Variants in RMDN2 observed in about 807,000 individuals in gnomAD.
The protein encoded by RMDN2 is regulator of microtubule dynamics protein 2.
Under a neutral mutation model 52.8 loss-of-function variants are expected in RMDN2, and 61 were observed. The ratio of observed to expected loss-of-function variants is 1.16; its 90% CI spans 0.94 to 1.43. The LOEUF (loss-of-function observed/expected upper bound fraction) is 1.43, where lower values mean the gene tolerates loss of function less well. Among genes scored for constraint, RMDN2 ranks in the 40% most tolerant of loss-of-function variants. The pLI is 0.00. For missense variants in RMDN2, 592 were observed against 475.3 expected, an observed-to-expected ratio of 1.25 and a Z score of -2.28; for synonymous variants, 180 against 153.1, an observed-to-expected ratio of 1.18 and a Z score of -1.30.
chr2:37,966,651 G>A (rs1671094432), intron 2 of RMDN2, among the ~76,000 whole-genome samples: 1 of 151,600 alleles, frequency 6.6e-6, no homozygotes, highest in Admixed American at 6.6e-5. Context: ...CAAATGACCT[G>A]TCTTAAAGTT....
Position 38,031,942 on chromosome 2 carries a change from A to T in RMDN2, c.1713+27726A>T, listed in dbSNP as rs191994158. Reference sequence around the variant, plus strand: ...CAGGTCTCAAGAGAATCATACAACAAAGCAGATTGTGCACAACAATGCCGC... The same window carrying T: ...CAGGTCTCAAGAGAATCATACAACATAGCAGATTGTGCACAACAATGCCGC... On this transcript the variant is annotated intron_variant, in intron 10 of 10. Transcript: ENST00000234195. Among the ~76,000 whole-genome samples, 4 of 152,230 alleles carry T rather than the reference A, an allele frequency of 2.6e-5. No individual in the cohort carries two copies. The East Asian group carries it at 7.7e-4, about 29-fold the overall frequency.
intron 10 of RMDN2, among the ~76,000 whole-genome samples, chr2:38,057,334 C>T (rs1463124241): frequency 6.6e-6 from 1 of 152,144 alleles, no homozygotes; most frequent in Non-Finnish European, 1.5e-5. Context: ...TGGCTGTGCT[C>T]CAACATAACT....
At chr2:37,943,036 C>T (rs1359842292) in intron 2 of RMDN2, among the ~76,000 whole-genome samples, 3 of 152,214 alleles carry the variant, frequency 2.0e-5, no homozygotes, top group African/African-American at 4.8e-5. Flanking sequence ...AAGCCACTGC[C>T]AGCATGAGCA....
intron 2 of RMDN2, among the ~76,000 whole-genome samples, chr2:37,940,260 C>A (rs555038038): frequency 6.6e-6 from 1 of 152,348 alleles, no homozygotes; most frequent in South Asian, 2.1e-4. Flanking sequence ...TCCTGTTAGT[C>A]TGCTGGGCTT....
intron 10 of RMDN2, among the ~76,000 whole-genome samples, chr2:38,050,830 C>T (rs913241373): frequency 1.3e-5 from 2 of 152,202 alleles, no homozygotes; most frequent in African/African-American, 2.4e-5. Flanking sequence ...ACGATCTCAG[C>T]TCACTGCAGC....
At chr2:38,025,889 C>T (rs1274034948) in intron 10 of RMDN2, among the ~76,000 whole-genome samples, 1 of 152,066 alleles carries the variant, frequency 6.6e-6, no homozygotes, top group Non-Finnish European at 1.5e-5. Context: ...TAAATATTTA[C>T]AACGGATATT....
chr2:38,039,300 G>C (rs1408918592), intron 10 of RMDN2: 2 of 152,090 alleles, frequency 1.3e-5, no homozygotes, highest in African/African-American at 4.8e-5. Flanking sequence ...ACAGAAATGG[G>C]ATTCTAACTC....
intron 2 of RMDN2, among the ~76,000 whole-genome samples, chr2:37,934,635 C>T (rs7584626): frequency 0.062 from 9,428 of 152,026 alleles, 313 homozygotes; most frequent in East Asian, 0.097. Context: ...GAATAGTATT[C>T]GACCCCAAAA....
At chr2:38,003,243 C>G in intron 8 of RMDN2, among the ~76,000 whole-genome samples, 1 of 152,184 alleles carries the variant, frequency 6.6e-6, no homozygotes, top group East Asian at 1.9e-4. Context: ...CAGTCATGCT[C>G]TACTCTTATT....
intron 10 of RMDN2, among the ~76,000 whole-genome samples, chr2:38,032,185 T>C (rs990780061): frequency 6.6e-6 from 1 of 152,180 alleles, no homozygotes; most frequent in African/African-American, 2.4e-5. Context: ...GCGTAACCCC[T>C]ACCACAACCA....
intron 1 of RMDN2, chr2:37,928,729 A>G (rs1666482710): frequency 6.6e-6 from 1 of 152,196 alleles, no homozygotes; most frequent in Admixed American, 6.5e-5. Context: ...TGCCTTCTCA[A>G]GTTTATTGCT....
At chr2:38,055,557 C>G (rs146097540) in intron 10 of RMDN2, among the ~76,000 whole-genome samples, 3 of 152,128 alleles carry the variant, frequency 2.0e-5, no homozygotes, top group Admixed American at 6.5e-5. Context: ...ATGACCCCAT[C>G]AAGGACAAGA....
At chr2:38,026,884 G>T (rs1202625018) in intron 10 of RMDN2, 2 of 151,692 alleles carry the variant, frequency 1.3e-5, no homozygotes, top group Non-Finnish European at 2.9e-5. Flanking sequence ...TTTCCATTTT[G>T]CTTTTTTCTT....
chr2:37,935,370 C>G (rs62134016), intron 2 of RMDN2, among the ~76,000 whole-genome samples: 1 of 152,198 alleles, frequency 6.6e-6, no homozygotes, highest in African/African-American at 2.4e-5. Flanking sequence ...TGTTTTTACT[C>G]TTAACATTAC....
chr2:37,953,446 T>G (rs1173594272), intron 2 of RMDN2, among the ~76,000 whole-genome samples: 1 of 152,092 alleles, frequency 6.6e-6, no homozygotes, highest in African/African-American at 2.4e-5. Flanking sequence ...TATGGTATTT[T>G]GTGACCAGCT....
chr2:38,046,989 A>G (rs1033772693), intron 10 of RMDN2, among the ~76,000 whole-genome samples: 1 of 152,216 alleles, frequency 6.6e-6, no homozygotes, highest in African/African-American at 2.4e-5. Flanking sequence ...TCTTGAAAAA[A>G]AACAAAAAAG....
In RMDN2 at chr2:38,002,602, A is replaced by C. The variant is rs117026627; in HGVS notation, c.1045-1389A>C. 1.4e-4 allele frequency among the ~76,000 whole-genome samples: 22 copies of C among 152,328 alleles called. No individual in the cohort carries two copies. In the East Asian group the frequency reaches 4.1e-3, roughly 28 times the overall value. Reference sequence around the variant, plus strand: ...AATTATATATCTGTAAATTATATATATGTAAAATGGTTCCATTTTGTTTTG... The same window carrying C: ...AATTATATATCTGTAAATTATATATCTGTAAAATGGTTCCATTTTGTTTTG... On this transcript the variant is annotated intron_variant, in intron 8 of 10. Transcript: ENST00000354545.
intron 10 of RMDN2, among the ~76,000 whole-genome samples, chr2:38,052,130 C>T (rs1280979385): frequency 2.0e-5 from 3 of 152,306 alleles, no homozygotes; most frequent in African/African-American, 7.2e-5. Flanking sequence ...TTTACATTCC[C>T]ACCAACAGTG....
At chr2:38,004,663 C>G (rs1047168699) in intron 10 of RMDN2, among the ~76,000 whole-genome samples, 2 of 151,944 alleles carry the variant, frequency 1.3e-5, no homozygotes, top group African/African-American at 4.8e-5. Flanking sequence ...AGCCACCCTT[C>G]TACTCTCTCC....
Sources: allele counts gnomAD v4.1 joint callset (sites outside exome capture counted in the v4.1 genomes callset), GRCh38; gene constraint gnomAD v4.1.1; transcripts MANE v1.5; gene names NCBI Gene and HGNC (gene_info 2026-07-23, HGNC 2026-07-21).